PDHA1: variants seen among roughly 807,000 people sequenced by gnomAD.
PDHA1 encodes pyruvate dehydrogenase E1 component subunit alpha, somatic form, mitochondrial.
A neutral mutation model predicts 33.0 loss-of-function variants in PDHA1; 1 was observed. The observed-to-expected ratio is 0.03, with a 90% CI of 0.01 to 0.14. The LOEUF (loss-of-function observed/expected upper bound fraction) is 0.14. PDHA1 is among the 10% of genes least tolerant of loss of function. The probability of loss-of-function intolerance (pLI) is 1.00; values close to 1 mark genes in which losing one functional copy is unlikely to be tolerated. For synonymous variants in PDHA1, 123 were observed against 119.2 expected (o/e 1.03, Z -0.21); for missense variants, 168 against 325.1 (o/e 0.52, Z 3.72).
chrX:19,349,321 G>A lies in PDHA1; in HGVS notation c.67G>A (p.Val23Met). 1 of 1,181,853 alleles carries A rather than the reference G, an allele frequency of 8.5e-7. No homozygotes were observed. Reference protein sequence around the residue: ...SGASQKPASRVLVASRNFAND... With the variant: ...SGASQKPASRMLVASRNFAND... The stretch of plus-strand genomic sequence containing the variant: ...ATTTTTGTCTTTTAAGGCAAGCAGA[G>A]TGCTGGTAGCATCCCGTAATTTTGC... The change falls in exon 2 of 11, where the codon GTG (valine) becomes ATG (methionine). Residue 23 changes from valine to methionine, a missense_variant. Val to Met is a conservative substitution (Grantham distance 21). This residue lies in a region of PDHA1 where 46 missense variants were observed against 47.4 expected (regional missense o/e 0.97). Coordinates refer to ENST00000422285, the MANE Select transcript of PDHA1 (RefSeq NM_000284.4).
chrX:19,349,701 C>T (rs1479538851), intron 2 of PDHA1, among the ~76,000 whole-genome samples: 9 of 112,348 alleles, frequency 8.0e-5, no homozygotes, highest in African/African-American at 2.9e-4. Flanking sequence ...ACTCAGTTGG[C>T]TTCTAGGGGC....
rs757713583 is a variant in PDHA1 at position 19,359,656 on chromosome X, G to C, written c.*3G>C. 8.3e-7 allele frequency: 1 copy of C among 1,201,687 alleles called. No individual in the cohort carries two copies. Among genetic ancestry groups the C allele is most frequent in the African/African-American group, 1.8e-5 (1 of 56,793 alleles). On this transcript the variant is annotated 3_prime_UTR_variant, in exon 11 of 11. Coordinates refer to ENST00000422285, the MANE Select transcript of PDHA1 (RefSeq NM_000284.4). Reference sequence around the variant, plus strand: ...TCAAGTTTAAGTCAGTCAGTTAAGGGGAGGAGAAGGAGAGGTTATACCTTC... The same window carrying C: ...TCAAGTTTAAGTCAGTCAGTTAAGGCGAGGAGAAGGAGAGGTTATACCTTC...
chrX:19,349,807 A>G, intron 2 of PDHA1, 130 bp from the exon 3 acceptor site: 2 of 531,842 alleles, frequency 3.8e-6, no homozygotes, highest in Non-Finnish European at 6.6e-6. Flanking sequence ...GGCGATATGA[A>G]GCATTACTGA....
chrX:19,357,549 A>C (rs1166634763), intron 8 of PDHA1, 103 bp from the exon 9 acceptor site: 2 of 624,738 alleles, frequency 3.2e-6, no homozygotes, highest in Non-Finnish European at 5.6e-6. Context: ...ATAAGACTAC[A>C]CTGGACGCTT....
At chrX:19,351,845 C>T (rs1327884008) in intron 4 of PDHA1, among the ~76,000 whole-genome samples, 3 of 93,254 alleles carry the variant, frequency 3.2e-5, no homozygotes, top group Non-Finnish European at 6.1e-5. Context: ...GTTGTCCAGG[C>T]TGGTGTGCAG....
At chrX:19,350,135 C>T (rs1260684349) in intron 3 of PDHA1, 25 bp downstream of exon 3, 8 of 1,126,913 alleles carry the variant, frequency 7.1e-6, no homozygotes, top group Middle Eastern at 2.4e-4. Context: ...TGTGGTGGAA[C>T]TGTGTTATTT....
At chrX:19,350,389 C>T (rs2063156903) in intron 3 of PDHA1, among the ~76,000 whole-genome samples, 1 of 111,203 alleles carries the variant, frequency 9.0e-6, no homozygotes, top group South Asian at 3.8e-4. Context: ...CCTCAGCCTC[C>T]CGAGTATGTG....
Position 19,358,479 on chromosome X carries a change from C to A in PDHA1, c.900-437C>A, listed in dbSNP as rs367830466. Among the ~76,000 whole-genome samples, 3 of 111,802 alleles carry A rather than the reference C, an allele frequency of 2.7e-5. No individual in the cohort carries two copies. In the East Asian group the frequency reaches 8.5e-4, roughly 32 times the overall value. ...GCACATGGATTTCCTGCTTGGCGCT[C>A]TGATGTCTCAAAGTCTAATTATCAC... On this transcript the variant is annotated intron_variant, in intron 9 of 10. Transcript: ENST00000422285.
intron 10 of PDHA1, 123 bp from the exon 11 acceptor site, chrX:19,359,366 A>C (rs1410022730): frequency 5.2e-6 from 3 of 578,533 alleles, no homozygotes; most frequent in Non-Finnish European, 9.0e-6. Context: ...AATCTTCTGA[A>C]TTAGCAACTG....
In PDHA1 at chrX:19,359,961, G is replaced by A; in HGVS notation, c.*308G>A. ...CTGCCCCCAGCCACCTTTTTGGGAGGAGACCATTATGGCGGGGCCCCTCAC... is the reference window on the plus strand; with the variant it reads ...CTGCCCCCAGCCACCTTTTTGGGAGAAGACCATTATGGCGGGGCCCCTCAC... On this transcript the variant is annotated 3_prime_UTR_variant, in exon 11 of 11. Coordinates refer to ENST00000422285, the MANE Select transcript of PDHA1 (RefSeq NM_000284.4). The A allele has an allele frequency of 3.2e-6, 1 of 317,006 alleles. No individual in the cohort carries two copies. The highest frequency in any genetic ancestry group is 5.7e-6 in the Non-Finnish European group (1 of 175,291). 26.1% of individuals were successfully genotyped at this position (317,006 alleles called of 1,213,427 possible). A position where few individuals can be genotyped will look rare whatever the true frequency, so the allele number is the denominator to read the frequency against.
chrX:19,352,997 C>T (rs926982761), intron 4 of PDHA1, 85 bp from the exon 5 acceptor site: 20 of 736,045 alleles, frequency 2.7e-5, no homozygotes, highest in Non-Finnish European at 4.3e-5. Context: ...AATGGTTGAG[C>T]CTCAGAGTAC....
In PDHA1 at chrX:19,356,482, A is replaced by G. The variant is rs555073616; in HGVS notation, c.831+725A>G. On this transcript the variant is annotated intron_variant, in intron 8 of 10. Coordinates refer to ENST00000422285, the MANE Select transcript of PDHA1 (RefSeq NM_000284.4). ...GGGAAGTGAGGGTGGGAATGTAGTA[A>G]CATTAAATAAGAGCTAATGAGTAGA... 4.3e-4 allele frequency among the ~76,000 whole-genome samples: 48 copies of G among 111,931 alleles called. 1 individual carries two copies. In the South Asian group the frequency reaches 0.018, roughly 41 times the overall value.
intron 1 of PDHA1, among the ~76,000 whole-genome samples, chrX:19,344,331 C>T: frequency 8.8e-6 from 1 of 113,497 alleles, no homozygotes; most frequent in Non-Finnish European, 1.9e-5. Context: ...ACCTCCCGCC[C>T]CCGGGCCCAG....
At chrX:19,346,861 G>A (rs924432338) in intron 1 of PDHA1, among the ~76,000 whole-genome samples, 2 of 112,559 alleles carry the variant, frequency 1.8e-5, no homozygotes, top group Non-Finnish European at 3.8e-5. Flanking sequence ...TTTATAAGTG[G>A]TAGGTAAGAG....
At chrX:19,350,143 T>G (rs1325144040) in intron 3 of PDHA1, 33 bp downstream of exon 3, 6 of 1,062,654 alleles carry the variant, frequency 5.6e-6, no homozygotes, top group Non-Finnish European at 1.3e-6. Flanking sequence ...AACTGTGTTA[T>G]TTAGGTACTG....
intron 1 of PDHA1, among the ~76,000 whole-genome samples, chrX:19,348,342 G>T (rs2063145800): frequency 8.9e-6 from 1 of 112,115 alleles, no homozygotes; most frequent in South Asian, 3.7e-4. Context: ...AGAGAACAGT[G>T]TTTCAGAGAA....
Position 19,361,395 on chromosome X carries a change from T to G in PDHA1, c.*1742T>G, listed in dbSNP as rs371285733. On this transcript the variant is annotated 3_prime_UTR_variant, in exon 11 of 11. Transcript: ENST00000422285. ...TGATCTCATTAAGAATATCCGAAAGTGTATAACCCTCTTCAACAATCTGAA... is the reference window on the plus strand; with the variant it reads ...TGATCTCATTAAGAATATCCGAAAGGGTATAACCCTCTTCAACAATCTGAA... The G allele has an allele frequency of 1.7e-6, 2 of 1,208,239 alleles. No individual in the cohort carries two copies. Among genetic ancestry groups the G allele is most frequent in the South Asian group, 1.8e-5 (1 of 56,713 alleles).
chrX:19,345,572 T>TTAAAA (rs2063125797), intron 1 of PDHA1, among the ~76,000 whole-genome samples: 1 of 30,263 alleles, frequency 3.3e-5, no homozygotes, highest in African/African-American at 9.5e-5. Flanking sequence ...CTCCGTATTT[T>TTAAAA]AAAAAAAAAA....
intron 1 of PDHA1, among the ~76,000 whole-genome samples, chrX:19,346,100 T>C (rs1408430122): frequency 8.9e-6 from 1 of 112,054 alleles, no homozygotes; most frequent in African/African-American, 3.2e-5. Flanking sequence ...ACATTTTGCA[T>C]ATAAGCCTTT....
Sources: gnomAD v4.1 joint callset for allele counts (sites outside exome capture counted in the v4.1 genomes callset) on GRCh38, gnomAD v4.1.1 for gene constraint, gnomAD v4.1.1 regional missense constraint, MANE v1.5 for transcripts, NCBI Gene and HGNC (gene_info 2026-07-23, HGNC 2026-07-21) for gene names.